The following GABRB2 variants were observed in gnomAD, a reference collection of about 807,000 sequenced individuals.
The protein encoded by GABRB2 is gamma-aminobutyric acid type A receptor subunit beta2.
In GABRB2, 16 loss-of-function variants were observed where a neutral mutation model predicts 54.7. The ratio of observed to expected loss-of-function variants is 0.29; its 90% CI spans 0.20 to 0.44. The LOEUF (loss-of-function observed/expected upper bound fraction) is 0.44, where lower values mean the gene tolerates loss of function less well. GABRB2 is among the 20% of genes least tolerant of loss of function. The pLI is 1.00. For synonymous variants in GABRB2, 244 were observed against 233.8 expected (o/e 1.04, Z -0.40); for missense variants, 355 against 644.0 (o/e 0.55, Z 4.86).
chr5:161,437,702 T>C (rs1349702312), intron 4 of GABRB2, among the ~76,000 whole-genome samples: 1 of 152,070 alleles, frequency 6.6e-6, no homozygotes, highest in Non-Finnish European at 1.5e-5. Flanking sequence ...CAGGCAGCAT[T>C]CACCACAAGC....
intron 3 of GABRB2, among the ~76,000 whole-genome samples, chr5:161,526,415 A>G (rs1760282633): frequency 6.6e-6 from 1 of 151,450 alleles, no homozygotes; most frequent in South Asian, 2.1e-4. Flanking sequence ...TATCACACAC[A>G]TTGTGTCAGT....
At chr5:161,363,998 AT>A (rs1190891081) in intron 5 of GABRB2, among the ~76,000 whole-genome samples, 3 of 152,314 alleles carry the variant, frequency 2.0e-5, no homozygotes, top group Admixed American at 6.5e-5. Context: ...CCTGTTTCAC[AT>A]TTTATCCAGG....
rs191761533 is a variant in GABRB2 at position 161,526,717 on chromosome 5, G to T, written c.237+18510C>A. On this transcript the variant is annotated intron_variant, in intron 3 of 9. Coordinates refer to ENST00000393959, the MANE Select transcript of GABRB2 (RefSeq NM_001371727.1). The stretch of plus-strand genomic sequence containing the variant: ...TGGCCAAGAATCAAAAATAGTAATT[G>T]AATATAAGAATCCCATTGACAATAA... Among the ~76,000 whole-genome samples the T allele has an allele frequency of 3.2e-4, 49 of 151,390 alleles. 1 individual carries two copies. Among genetic ancestry groups the T allele is most frequent in the Admixed American group, 3.2e-3 (49 of 15,160 alleles).
intron 3 of GABRB2, among the ~76,000 whole-genome samples, chr5:161,491,905 T>C (rs549841172): frequency 1.3e-5 from 2 of 151,802 alleles, no homozygotes; most frequent in African/African-American, 4.8e-5. Context: ...GGCAGTGACA[T>C]ATCTGTCAAG....
chr5:161,297,798 G>A (rs374074538), intron 9 of GABRB2, among the ~76,000 whole-genome samples: 11 of 151,998 alleles, frequency 7.2e-5, no homozygotes, highest in East Asian at 3.8e-4. Flanking sequence ...GTATATACTC[G>A]GTAATGGGAT....
intron 4 of GABRB2, among the ~76,000 whole-genome samples, chr5:161,429,597 T>G (rs1757117077): frequency 6.6e-6 from 1 of 152,068 alleles, no homozygotes; most frequent in South Asian, 2.1e-4. Context: ...AGCAAATGTG[T>G]TGAGATTTAA....
intron 8 of GABRB2, chr5:161,329,795 T>C (rs776402072): frequency 5.9e-5 from 9 of 152,190 alleles, no homozygotes; most frequent in Admixed American, 5.2e-4. Context: ...ATAAACAGTA[T>C]TTAGGGCAGA....
At chr5:161,465,086 C>A (rs565182951) in intron 3 of GABRB2, among the ~76,000 whole-genome samples, 20 of 152,166 alleles carry the variant, frequency 1.3e-4, no homozygotes, top group African/African-American at 4.1e-4. Context: ...AAAGCATAGT[C>A]TCTGGGGTCA....
At chr5:161,463,443 G>A (rs1758174492) in intron 3 of GABRB2, among the ~76,000 whole-genome samples, 1 of 149,184 alleles carries the variant, frequency 6.7e-6, no homozygotes, top group African/African-American at 2.5e-5. Context: ...TCTCTAAATT[G>A]GTCTACAGAT....
rs1184212049 is a variant in GABRB2, at chr5:161,294,300, C to T, written c.1320G>A (p.Gln440=). Residue 440 remains glutamine (Q), a synonymous_variant, in exon 10 of 10, where the codon CAG becomes CAA. Transcript: ENST00000393959. ...GCCTGGGCAACCCAGCTTTCCGATA[C>T]TGGATGCTGGAGGCATCATAGGCTA... ...TMLAYDASSI[Q]YRKAGLPRHS... is the part of the protein sequence containing the mutation. The T allele has an allele frequency of 6.2e-7, 1 of 1,614,008 alleles. No individual in the cohort carries two copies. Among genetic ancestry groups the T allele is most frequent in the African/African-American group, 1.3e-5 (1 of 74,914 alleles).
intron 5 of GABRB2, among the ~76,000 whole-genome samples, chr5:161,392,002 G>A (rs934234233): frequency 1.3e-5 from 2 of 152,184 alleles, no homozygotes; most frequent in Non-Finnish European, 2.9e-5. Flanking sequence ...ATTGACAGCA[G>A]GATTGGTGAC....
intron 3 of GABRB2, among the ~76,000 whole-genome samples, chr5:161,479,053 C>A (rs957719448): frequency 3.5e-4 from 54 of 152,116 alleles, no homozygotes; most frequent in African/African-American, 1.1e-3. Context: ...AATTTGCAGA[C>A]CCAGGCTGGT....
intron 3 of GABRB2, among the ~76,000 whole-genome samples, chr5:161,510,990 C>T (rs1759750594): frequency 6.6e-6 from 1 of 151,902 alleles, no homozygotes; most frequent in South Asian, 2.1e-4. Context: ...TAGTAACAAT[C>T]ATAACACCAA....
intron 5 of GABRB2, among the ~76,000 whole-genome samples, chr5:161,342,830 A>G (rs1754211569): frequency 6.6e-6 from 1 of 152,064 alleles, no homozygotes; most frequent in Non-Finnish European, 1.5e-5. Flanking sequence ...AAAAGTTGCA[A>G]TAACATAGAG....
chr5:161,306,164 G>C (rs1250135833), intron 9 of GABRB2, among the ~76,000 whole-genome samples: 1 of 152,174 alleles, frequency 6.6e-6, no homozygotes, highest in Non-Finnish European at 1.5e-5. Context: ...GATGGGTTTG[G>C]ACATACAAAA....
At chr5:161,390,661 C>G (rs547762706) in intron 5 of GABRB2, among the ~76,000 whole-genome samples, 1 of 152,134 alleles carries the variant, frequency 6.6e-6, no homozygotes, top group African/African-American at 2.4e-5. Flanking sequence ...ATATTTGCAA[C>G]CTTTCTGTAA....
At chr5:161,381,674 G>A (rs1427028093) in intron 5 of GABRB2, among the ~76,000 whole-genome samples, 2 of 152,072 alleles carry the variant, frequency 1.3e-5, no homozygotes, top group East Asian at 3.9e-4. Flanking sequence ...AGCTAAGTAG[G>A]GTGACACTGT....
intron 4 of GABRB2, among the ~76,000 whole-genome samples, chr5:161,427,853 C>T (rs896963914): frequency 2.0e-5 from 3 of 152,058 alleles, no homozygotes; most frequent in Non-Finnish European, 2.9e-5. Flanking sequence ...ATTTTCATGC[C>T]CAGTGTTCAC....
chr5:161,321,686 A>G (rs893604688), intron 9 of GABRB2, among the ~76,000 whole-genome samples: 6 of 152,312 alleles, frequency 3.9e-5, no homozygotes, highest in Admixed American at 3.9e-4. Flanking sequence ...ACTTATAAGA[A>G]CTTTTCCATT....
Sources: gnomAD v4.1 joint callset for allele counts (sites outside exome capture counted in the v4.1 genomes callset) on GRCh38, gnomAD v4.1.1 for gene constraint, MANE v1.5 for transcripts, NCBI Gene and HGNC (gene_info 2026-07-23, HGNC 2026-07-21) for gene names.